TTLL7: variants seen among roughly 807,000 people sequenced by gnomAD.
The protein encoded by TTLL7 is tubulin tyrosine ligase like 7.
Under a neutral mutation model 120.2 loss-of-function variants are expected in TTLL7, and 53 were observed. The observed-to-expected ratio is 0.44, with a 90% CI of 0.35 to 0.55. The LOEUF (loss-of-function observed/expected upper bound fraction) is 0.55, where lower values mean the gene tolerates loss of function less well. Among genes scored for constraint, TTLL7 ranks in the 20% least tolerant of loss-of-function variants. The probability of loss-of-function intolerance (pLI) is 0.00; values close to 1 mark genes in which losing one functional copy is unlikely to be tolerated. For synonymous variants in TTLL7, 353 were observed against 351.7 expected (o/e 1.00, Z -0.04); for missense variants, 803 against 1,054.7 (o/e 0.76, Z 3.31).
At chr1:83,890,665 G>A (rs1490638564) in intron 18 of TTLL7, among the ~76,000 whole-genome samples, 184 bp from the exon 19 acceptor site, 2 of 152,040 alleles carry the variant, frequency 1.3e-5, no homozygotes, top group Non-Finnish European at 2.9e-5. Context: ...AGCTACCTGG[G>A]AGGGTGGCTA....
At chr1:83,873,810 A>G (rs78181181) in intron 20 of TTLL7, among the ~76,000 whole-genome samples, 2 of 152,078 alleles carry the variant, frequency 1.3e-5, no homozygotes. Flanking sequence ...AACCTTGAAA[A>G]CATAAGCTAC....
intron 15 of TTLL7, 92 bp from the exon 16 acceptor site, chr1:83,907,753 G>T: frequency 8.8e-7 from 1 of 1,139,438 alleles, no homozygotes; most frequent in Non-Finnish European, 1.3e-6. Context: ...GATTATAGCA[G>T]CTAGTAGTAA....
In TTLL7 at chr1:83,868,149, C is replaced by T. The variant is rs575067923; in HGVS notation, c.*1813G>A. 6.6e-6 allele frequency: 1 copy of T among 152,288 alleles called. No individual in the cohort carries two copies. The highest frequency in any genetic ancestry group is 6.5e-5 in the Admixed American group (1 of 15,294). 9.4% of individuals were successfully genotyped at this position (152,288 alleles called of 1,614,324 possible). On this transcript the variant is annotated 3_prime_UTR_variant, in exon 21 of 21. Coordinates refer to ENST00000260505, the MANE Select transcript of TTLL7 (RefSeq NM_024686.6). ...CATCTAACTTATAACTTTAGGTTGCCAATTCTTCAGGCTGTGAATTAAACC... is the reference window on the plus strand; with the variant it reads ...CATCTAACTTATAACTTTAGGTTGCTAATTCTTCAGGCTGTGAATTAAACC...
intron 5 of TTLL7, 129 bp from the exon 6 acceptor site, chr1:83,947,411 T>C (rs967217462): frequency 7.3e-6 from 6 of 816,542 alleles, no homozygotes; most frequent in Non-Finnish European, 1.1e-5. Flanking sequence ...ATTCATTGAT[T>C]TCATTCATTC....
chr1:83,934,411 G>A (rs750816472), intron 8 of TTLL7, among the ~76,000 whole-genome samples: 87 of 152,294 alleles, frequency 5.7e-4, no homozygotes, highest in Non-Finnish European at 1.0e-3. Flanking sequence ...AACACCAGTA[G>A]AGAAACTCCA....
rs766362543 is a variant in TTLL7 at position 83,907,579 on chromosome 1, A to G, written c.1869T>C (p.Ala623=). The part of the protein sequence containing the change: ...PSSGDTRPFS[A]QQMISVSRPT... The stretch of plus-strand genomic sequence containing the variant: ...GCCGTGACACAGATATCATTTGTTG[A>G]GCAGAAAATGGGCGGGTGTCCCCAC... Residue 623 remains alanine, a synonymous_variant, in exon 16 of 21, where the codon GCT becomes GCC. Transcript: ENST00000260505. 15 of 1,613,262 alleles carry G rather than the reference A, an allele frequency of 9.3e-6. No homozygotes were observed. Among genetic ancestry groups the G allele is most frequent in the Admixed American group, 5.0e-5 (3 of 59,856 alleles).
At chr1:83,885,441 TG>T (rs1362399955) in intron 19 of TTLL7, among the ~76,000 whole-genome samples, 1 of 152,012 alleles carries the variant, frequency 6.6e-6, no homozygotes, top group African/African-American at 2.4e-5. Flanking sequence ...TCTAATCTGA[TG>T]TAACTTCTTG....
chr1:83,911,152 G>T lies in TTLL7; in HGVS notation c.1786+13C>A, dbSNP rs1657641595. 5 of 1,589,710 alleles carry T rather than the reference G, an allele frequency of 3.1e-6. No homozygotes were observed. In the South Asian group the frequency reaches 5.6e-5, roughly 18 times the overall value. ...TCTTTATATAACATCTAAATTAGAA[G>T]AAATTGACTTACTGGGTTGTTGAAT... is the stretch of plus-strand genomic sequence containing the variant. On this transcript the variant is annotated intron_variant, in intron 15 of 20. Coordinates refer to ENST00000260505, the MANE Select transcript of TTLL7 (RefSeq NM_024686.6).
intron 20 of TTLL7, 90 bp from the exon 21 acceptor site, chr1:83,870,172 A>G: frequency 8.2e-7 from 1 of 1,216,492 alleles, no homozygotes; most frequent in Non-Finnish European, 1.1e-6. Context: ...TACGTAGTCT[A>G]TATGAGAAAT....
chr1:83,980,780 G>A (rs1179565633), intron 1 of TTLL7: 6 of 151,986 alleles, frequency 3.9e-5, no homozygotes, highest in Non-Finnish European at 8.8e-5. Context: ...TATGGAAAAA[G>A]CAACCATCTC....
At chr1:83,915,813 A>G (rs976045075) in intron 14 of TTLL7, among the ~76,000 whole-genome samples, 8 of 152,220 alleles carry the variant, frequency 5.3e-5, no homozygotes, top group African/African-American at 1.9e-4. Flanking sequence ...AAACAACTCC[A>G]TCAACAAGTG....
chr1:83,888,938 C>G (rs778572186), intron 19 of TTLL7, among the ~76,000 whole-genome samples: 60 of 151,888 alleles, frequency 4.0e-4, no homozygotes, highest in Admixed American at 9.2e-4. Context: ...ATTCATTTCA[C>G]TTAGCTGTCT....
chr1:83,907,894 C>T (rs1010971995), intron 15 of TTLL7, among the ~76,000 whole-genome samples: 2 of 152,142 alleles, frequency 1.3e-5, no homozygotes, highest in Middle Eastern at 3.4e-3. Flanking sequence ...GGGAATAATA[C>T]TATCAACAAT....
At chr1:83,896,056 T>C (rs552360964) in intron 18 of TTLL7, among the ~76,000 whole-genome samples, 6 of 152,106 alleles carry the variant, frequency 3.9e-5, no homozygotes, top group Admixed American at 2.6e-4. Context: ...TGGAATGAGA[T>C]AAATTAGTGC....
Position 83,949,902 on chromosome 1 carries a change from A to G in TTLL7, c.242T>C (p.Val81Ala). Residue 81 changes from valine (V) to alanine (A), a missense_variant, in exon 4 of 21, where the codon GTT becomes GCT. Around this residue, in one of 3 missense-constraint regions of TTLL7, gnomAD observed 91 missense variants for 96.6 expected, o/e 0.94. Transcript: ENST00000260505. ...CAGCTCTGAAATTTTCTCCTGCTGA[A>G]CAGCAGAATCACACCATATAAGATT... Reference protein sequence around the residue: ...TSNLIWCDSAVQQEKISELQN... With the variant: ...TSNLIWCDSAAQQEKISELQN... The G allele has an allele frequency of 6.2e-7, 1 of 1,613,670 alleles. No homozygotes were observed. Among genetic ancestry groups the G allele is most frequent in the Non-Finnish European group, 8.5e-7 (1 of 1,179,892 alleles).
intron 1 of TTLL7, among the ~76,000 whole-genome samples, chr1:83,975,167 TACATTGC>T (rs1440533128): frequency 6.6e-6 from 1 of 152,108 alleles, no homozygotes; most frequent in Admixed American, 6.6e-5. Context: ...CCATGTTACA[TACATTGC>T]ACTATAGGCT....
intron 18 of TTLL7, among the ~76,000 whole-genome samples, chr1:83,902,845 T>C (rs1227134641): frequency 6.6e-6 from 1 of 151,924 alleles, no homozygotes; most frequent in East Asian, 1.9e-4. Flanking sequence ...AACATCAACA[T>C]GGTCAAAATA....
chr1:83,961,613 A>C (rs373314193), intron 1 of TTLL7, among the ~76,000 whole-genome samples: 1 of 152,130 alleles, frequency 6.6e-6, no homozygotes, highest in East Asian at 1.9e-4. Flanking sequence ...GTGGTGAATT[A>C]AATAAAGTTC....
Position 83,882,972 on chromosome 1 carries a change from C to A in TTLL7, c.2534G>T (p.Gly845Val). 1.2e-6 allele frequency: 2 copies of A among 1,610,944 alleles called. No homozygotes were observed. Among genetic ancestry groups the A allele is most frequent in the East Asian group, 2.2e-5 (1 of 44,780 alleles). ...GAATGTGAACAAGTACCTGGAATTA[C>A]CCCAGTCAGGACCAATGCCTGAAAG... is the stretch of plus-strand genomic sequence containing the variant. ...GSLSGIGPDW[G>V]NSRYLLPGST... Residue 845 changes from glycine (G) to valine (V), a missense_variant, in exon 20 of 21, where the codon GGT becomes GTT. Physicochemically the swap from Gly to Val is moderately radical, Grantham distance 109 (BLOSUM62 -3). This residue lies in a region of TTLL7 where 388 missense variants were observed against 450.4 expected (regional missense o/e 0.86). Coordinates refer to ENST00000260505, the MANE Select transcript of TTLL7 (RefSeq NM_024686.6).
Sources: allele counts gnomAD v4.1 joint callset (sites outside exome capture counted in the v4.1 genomes callset), GRCh38; gene constraint gnomAD v4.1.1; regional missense constraint gnomAD v4.1.1; transcripts MANE v1.5; gene names NCBI Gene and HGNC (gene_info 2026-07-23, HGNC 2026-07-21).